PTPRG: variants seen among roughly 807,000 people sequenced by gnomAD.
PTPRG encodes protein tyrosine phosphatase receptor type G, also known as receptor-type tyrosine-protein phosphatase gamma.
Under a neutral mutation model 165.3 loss-of-function variants are expected in PTPRG, and 102 were observed. That is an observed-to-expected ratio of 0.62 (90% CI 0.53 to 0.73). PTPRG has a LOEUF of 0.73. Ranked by LOEUF, PTPRG falls within the 30% of genes least tolerant of loss-of-function variation. PTPRG has a pLI of 0.00. For synonymous variants in PTPRG, 675 were observed against 669.5 expected (o/e 1.01, Z -0.13); for missense variants, 1,866 against 1,861.4 (o/e 1.00, Z -0.05).
intron 26 of PTPRG, among the ~76,000 whole-genome samples, chr3:62,281,280 T>C (rs1702424408): frequency 2.0e-5 from 3 of 152,026 alleles, no homozygotes; most frequent in Non-Finnish European, 2.9e-5. Context: ...ATGTCAATAT[T>C]ACAGAATACT....
intron 1 of PTPRG, among the ~76,000 whole-genome samples, chr3:61,737,933 G>T (rs1395578409): frequency 6.8e-6 from 1 of 146,906 alleles, no homozygotes; most frequent in Non-Finnish European, 1.5e-5. Context: ...TTTTAAGACG[G>T]AGTCTTTCTC....
intron 1 of PTPRG, among the ~76,000 whole-genome samples, chr3:61,645,631 C>T (rs935192491): frequency 1.1e-4 from 16 of 152,290 alleles, no homozygotes; most frequent in South Asian, 2.1e-4. Context: ...ATCTAGCCCA[C>T]GGGTTGGCAA....
At chr3:61,616,414 C>G (rs1335146000) in intron 1 of PTPRG, among the ~76,000 whole-genome samples, 1 of 152,190 alleles carries the variant, frequency 6.6e-6, no homozygotes, top group Non-Finnish European at 1.5e-5. Context: ...ACAACACATG[C>G]TTTATTTTAG....
At chr3:62,089,008 GA>G (rs2106789224) in intron 5 of PTPRG, among the ~76,000 whole-genome samples, 1 of 152,262 alleles carries the variant, frequency 6.6e-6, no homozygotes, top group African/African-American at 2.4e-5. Flanking sequence ...GCCCATTTGA[GA>G]AGAACTTTAC....
At chr3:61,960,279 A>C (rs1472572507) in intron 2 of PTPRG, among the ~76,000 whole-genome samples, 1 of 151,176 alleles carries the variant, frequency 6.6e-6, no homozygotes, top group African/African-American at 2.4e-5. Flanking sequence ...TTAATGTGCA[A>C]CTGTCTGGCT....
intron 2 of PTPRG, among the ~76,000 whole-genome samples, chr3:61,819,589 C>G (rs2035893975): frequency 6.6e-6 from 1 of 152,114 alleles, no homozygotes; most frequent in Non-Finnish European, 1.5e-5. Context: ...GAATGCAGTA[C>G]TACCTATAAG....
chr3:62,044,097 T>C (rs1700212112), intron 4 of PTPRG, among the ~76,000 whole-genome samples: 1 of 152,246 alleles, frequency 6.6e-6, no homozygotes, highest in Non-Finnish European at 1.5e-5. Flanking sequence ...CTTTCCTGTA[T>C]ACTGCCACAA....
intron 2 of PTPRG, among the ~76,000 whole-genome samples, chr3:61,802,412 C>T (rs1463647016): frequency 6.6e-6 from 1 of 152,084 alleles, no homozygotes; most frequent in Non-Finnish European, 1.5e-5. Flanking sequence ...ATGTAGACAT[C>T]AAGGGATTCT....
At position 62,059,766 on chromosome 3, in the gene PTPRG, T is replaced by G. The variant is rs770573259; in HGVS notation, c.520-18397T>G. On this transcript the variant is annotated intron_variant, in intron 4 of 29. Coordinates refer to ENST00000474889, the MANE Select transcript of PTPRG (RefSeq NM_002841.4). Reference sequence around the variant, plus strand: ...AGGAACCTAGTAGGAGGTAGTGGAATTATGGGGGCCGTTACTCCCATGCTG... The same window carrying G: ...AGGAACCTAGTAGGAGGTAGTGGAAGTATGGGGGCCGTTACTCCCATGCTG... Among the ~76,000 whole-genome samples, 102 of 152,290 alleles carry G rather than the reference T, an allele frequency of 6.7e-4. 1 individual carries two copies. The highest frequency in any genetic ancestry group is 1.2e-3 in the Non-Finnish European group (80 of 68,014).
At chr3:61,609,636 T>A (rs1334769961) in intron 1 of PTPRG, among the ~76,000 whole-genome samples, 5 of 151,924 alleles carry the variant, frequency 3.3e-5, no homozygotes, top group Non-Finnish European at 7.4e-5. Flanking sequence ...TTGGGTGGAT[T>A]GCTTGAGCCC....
chr3:61,641,227 C>G (rs4688647), intron 1 of PTPRG, among the ~76,000 whole-genome samples: 4,377 of 152,214 alleles, frequency 0.029, 88 homozygotes, highest in East Asian at 0.064. Flanking sequence ...TTTCCTCCCC[C>G]TCCCTCCCTG....
At chr3:62,052,986 C>T (rs777148789) in intron 4 of PTPRG, among the ~76,000 whole-genome samples, 6 of 152,160 alleles carry the variant, frequency 3.9e-5, no homozygotes, top group Non-Finnish European at 7.3e-5. Context: ...ACAGCCCACA[C>T]CACGCATTAA....
intron 2 of PTPRG, among the ~76,000 whole-genome samples, chr3:61,762,460 AAGT>A (rs2033880902): frequency 6.6e-6 from 1 of 152,044 alleles, no homozygotes; most frequent in Admixed American, 6.5e-5. Context: ...AAAATACAAA[AAGT>A]AGCCGGGTGT....
intron 8 of PTPRG, among the ~76,000 whole-genome samples, chr3:62,170,642 A>G (rs994421958): frequency 1.3e-5 from 2 of 152,168 alleles, no homozygotes; most frequent in African/African-American, 2.4e-5. Flanking sequence ...CGGCAAATTC[A>G]TGTGTCATTC....
chr3:61,691,309 A>G (rs890490094), intron 1 of PTPRG, among the ~76,000 whole-genome samples: 2 of 152,148 alleles, frequency 1.3e-5, no homozygotes, highest in Non-Finnish European at 2.9e-5. Flanking sequence ...CTGGAGGCTG[A>G]TACAAGAGGA....
At chr3:61,975,165 A>C (rs894197616) in intron 2 of PTPRG, among the ~76,000 whole-genome samples, 1 of 152,168 alleles carries the variant, frequency 6.6e-6, no homozygotes, top group African/African-American at 2.4e-5. Flanking sequence ...TGGCCTATAA[A>C]TGTTACCTGT....
At chr3:61,752,831 C>T (rs943178904) in intron 2 of PTPRG, among the ~76,000 whole-genome samples, 1 of 140,128 alleles carries the variant, frequency 7.1e-6, no homozygotes, top group Non-Finnish European at 1.6e-5. Context: ...TTTGCCAACT[C>T]CTGCTTATAG....
At chr3:62,257,532 C>T (rs185383245) in intron 16 of PTPRG, among the ~76,000 whole-genome samples, 8 of 152,172 alleles carry the variant, frequency 5.3e-5, no homozygotes, top group East Asian at 1.9e-4. Context: ...TTACTGATGA[C>T]GAAACTACCC....
intron 1 of PTPRG, among the ~76,000 whole-genome samples, chr3:61,620,964 A>G (rs1417578004): frequency 6.7e-6 from 1 of 148,614 alleles, no homozygotes; most frequent in Non-Finnish European, 1.5e-5. Flanking sequence ...AGTGTGGATC[A>G]GTGGTCTTCA....
Sources: allele counts gnomAD v4.1 joint callset (sites outside exome capture counted in the v4.1 genomes callset), GRCh38; gene constraint gnomAD v4.1.1; transcripts MANE v1.5; gene names NCBI Gene and HGNC (gene_info 2026-07-23, HGNC 2026-07-21).